F2: variants seen among roughly 807,000 people sequenced by gnomAD.
F2 encodes prothrombin.
Under a neutral mutation model 81.9 loss-of-function variants are expected in F2, and 34 were observed. That is an observed-to-expected ratio of 0.42 (90% confidence interval 0.32 to 0.55). The LOEUF (loss-of-function observed/expected upper bound fraction) is 0.55. F2 is among the 20% of genes least tolerant of loss of function. The pLI, the probability that F2 is intolerant of heterozygous loss-of-function variation, is 0.18. For synonymous variants in F2, 296 were observed against 326.4 expected (o/e 0.91, Z 1.01); for missense variants, 630 against 833.4 (o/e 0.76, Z 3.00).
At chr11:46,725,634 T>C in intron 6 of F2, among the ~76,000 whole-genome samples, 1 of 152,212 alleles carries the variant, frequency 6.6e-6, no homozygotes, top group Admixed American at 6.5e-5. Flanking sequence ...TCTGGTTTAT[T>C]ATGTGCCAGA....
At chr11:46,730,842 C>T (rs1466490380) in intron 12 of F2, among the ~76,000 whole-genome samples, 1 of 136,160 alleles carries the variant, frequency 7.3e-6, no homozygotes, top group East Asian at 2.1e-4. Context: ...TCTTTTTACC[C>T]ATAAATACTT....
chr11:46,731,268 C>T (rs1341779813), intron 12 of F2, among the ~76,000 whole-genome samples: 1 of 149,028 alleles, frequency 6.7e-6, no homozygotes, highest in Non-Finnish European at 1.5e-5. Context: ...CTCTGTTGCC[C>T]AGGCTAGAGT....
intron 2 of F2, 189 bp downstream of exon 2, chr11:46,720,051 G>A (rs868768072): frequency 1.2e-5 from 9 of 767,612 alleles, no homozygotes; most frequent in African/African-American, 5.2e-5. Context: ...TCTGTGCCTG[G>A]ACTGTGTCCC....
chr11:46,727,066 A>C (rs925855448), intron 9 of F2, among the ~76,000 whole-genome samples: 4 of 152,150 alleles, frequency 2.6e-5, no homozygotes, highest in Admixed American at 1.3e-4. Flanking sequence ...GCAGTGCTGC[A>C]ATCTCGGCTC....
In F2 at chr11:46,723,243, T is replaced by C. The variant is rs368221335; in HGVS notation, c.380T>C (p.Ile127Thr). 9 of 1,613,902 alleles carry C rather than the reference T, an allele frequency of 5.6e-6. No individual in the cohort carries two copies. Among genetic ancestry groups the C allele is most frequent in the Non-Finnish European group, 7.6e-6 (9 of 1,179,970 alleles). The change falls in exon 5 of 14, where the codon ATT becomes ACT. Residue 127 changes from isoleucine (I) to threonine (T), a missense_variant. By Grantham distance (89) the Ile-to-Thr change is moderately conservative. Coordinates refer to ENST00000311907, the MANE Select transcript of F2 (RefSeq NM_000506.5). This position sits in a 1 kb window ranked among gnomAD's most constrained non-coding sequence, Gnocchi z 5.6. ...CATGTGAACATCACCCGGTCAGGCA[T>C]TGAGTGCCAGCTATGGAGGAGTCGC... ...RGHVNITRSG[I>T]ECQLWRSRYP...
chr11:46,729,621 G>C, intron 12 of F2, 60 bp downstream of exon 12: 1 of 1,579,004 alleles, frequency 6.3e-7, no homozygotes, highest in Non-Finnish European at 8.7e-7. Context: ...GAACTGAGTT[G>C]TGCCTGGGTT....
At position 46,739,288 on chromosome 11, in the gene F2, T is replaced by C. The variant is rs2064962967; in HGVS notation, c.1749T>C (p.Tyr583=). ...AGAGCCCCTTTAACAACCGCTGGTA[T>C]CAAATGGGCATCGTCTCATGGGGTG... The part of the protein sequence containing the change: ...VMKSPFNNRW[Y]QMGIVSWGEG... Residue 583 remains tyrosine, a synonymous_variant, in exon 14 of 14, where the codon TAT becomes TAC. Transcript: ENST00000311907. 1.2e-6 allele frequency: 2 copies of C among 1,613,988 alleles called. No individual in the cohort carries two copies. The highest frequency in any genetic ancestry group is 2.2e-5 in the South Asian group (2 of 91,086).
chr11:46,724,783 T>G (rs1002534923), intron 6 of F2, among the ~76,000 whole-genome samples: 12 of 152,058 alleles, frequency 7.9e-5, no homozygotes, highest in African/African-American at 2.4e-4. Flanking sequence ...TTTTTTTCTT[T>G]CTAAGATGGA....
At chr11:46,725,022 G>A (rs1168925297) in intron 6 of F2, among the ~76,000 whole-genome samples, 1 of 146,876 alleles carries the variant, frequency 6.8e-6, no homozygotes, top group Non-Finnish European at 1.5e-5. Context: ...CTCCCGCCTC[G>A]GCCTCCCAAA....
intron 12 of F2, among the ~76,000 whole-genome samples, chr11:46,730,254 C>T (rs1204676635): frequency 2.0e-5 from 3 of 151,974 alleles, no homozygotes; most frequent in African/African-American, 4.8e-5. Context: ...GAGCTGAGAT[C>T]GGGCATCATT....
intron 12 of F2, among the ~76,000 whole-genome samples, chr11:46,735,342 G>A (rs756136974): frequency 1.6e-4 from 24 of 152,284 alleles, no homozygotes; most frequent in Non-Finnish European, 2.5e-4. Context: ...TCAGGAGGCT[G>A]AGGCAGGGGA....
intron 6 of F2, among the ~76,000 whole-genome samples, chr11:46,724,767 CTTTT>C (rs11438724): frequency 6.8e-6 from 1 of 147,414 alleles, no homozygotes; most frequent in Non-Finnish European, 1.5e-5. Flanking sequence ...TGGGGTTGGT[CTTTT>C]TTTTTTTTCT....
chr11:46,738,077 A>AACCTCC, intron 12 of F2, among the ~76,000 whole-genome samples: 1 of 151,814 alleles, frequency 6.6e-6, no homozygotes, highest in South Asian at 2.1e-4. Flanking sequence ...GGCTCACTGC[A>AACCTCC]ACCTCCACCT....
chr11:46,739,478 T>C lies in F2; in HGVS notation c.*70T>C. ...AATTATTTTTGTGTTTCTAAAACTA[T>C]GGTTCCCAATAAAAGTGACTCTCAG... On this transcript the variant is annotated 3_prime_UTR_variant, in exon 14 of 14. Coordinates refer to ENST00000311907, the MANE Select transcript of F2 (RefSeq NM_000506.5). 1.9e-6 allele frequency: 3 copies of C among 1,599,606 alleles called. No individual in the cohort carries two copies. The highest frequency in any genetic ancestry group is 1.7e-6 in the Non-Finnish European group (2 of 1,171,130).
chr11:46,719,563 C>A lies in F2; in HGVS notation c.80-139C>A. 1 of 1,201,406 alleles carries A rather than the reference C, an allele frequency of 8.3e-7. No individual in the cohort carries two copies. Among genetic ancestry groups the A allele is most frequent in the Admixed American group, 2.0e-5 (1 of 49,004 alleles). The allele number at this position is 1,201,406 out of a possible 1,614,324, so 74.4% of individuals were successfully genotyped here. A position where few individuals can be genotyped will look rare whatever the true frequency, so the allele number is the denominator to read the frequency against. ...GGGCACAGGGGGCCACATTTAGCAG[C>A]CTTCCAGGCACTTCCACCAGCCCAG... On this transcript the variant is annotated intron_variant, in intron 1 of 13. Coordinates refer to ENST00000311907, the MANE Select transcript of F2 (RefSeq NM_000506.5). This position sits in a 1 kb window ranked among gnomAD's most constrained non-coding sequence, Gnocchi z 4.7.
In F2 at chr11:46,726,761, G is replaced by T; in HGVS notation, c.1054G>T (p.Glu352Ter). 6.2e-7 allele frequency: 1 copy of T among 1,614,210 alleles called. No homozygotes were observed. The highest frequency in any genetic ancestry group is 8.5e-7 in the Non-Finnish European group (1 of 1,180,040). ...FEKKSLEDKT[E>*]RELLESYIDG... ...GAAGAAGTCGCTGGAGGACAAAACCGAAAGAGAGCTCCTGGAATCCTACAT... is the reference window on the plus strand; with the variant it reads ...GAAGAAGTCGCTGGAGGACAAAACCTAAAGAGAGCTCCTGGAATCCTACAT... Residue 352 changes from glutamate to a stop codon, truncating the protein, a stop_gained, in exon 9 of 14, where the codon GAA (glutamate) becomes TAA (stop). Transcript: ENST00000311907. LOFTEE classifies it high-confidence loss of function. This position sits in a 1 kb window ranked among gnomAD's most constrained non-coding sequence, Gnocchi z 5.9.
At chr11:46,732,849 C>T (rs1056823581) in intron 12 of F2, among the ~76,000 whole-genome samples, 6 of 152,140 alleles carry the variant, frequency 3.9e-5, no homozygotes, top group Non-Finnish European at 8.8e-5. Flanking sequence ...CAAAATGATT[C>T]AGGTTAATCC....
At position 46,728,091 on chromosome 11, in the gene F2, T is replaced by C; in HGVS notation, c.1226T>C (p.Leu409Pro). ...GTCCTCACCGCCGCCCACTGCCTCCTGTACCCGCCCTGGGACAAGAACTTC... is the reference window on the plus strand; with the variant it reads ...GTCCTCACCGCCGCCCACTGCCTCCCGTACCCGCCCTGGGACAAGAACTTC... ...RWVLTAAHCL[L>P]YPPWDKNFTE... The change falls in exon 10 of 14, where the codon CTG becomes CCG. Residue 409 changes from leucine (L) to proline (P), a missense_variant. Coordinates refer to ENST00000311907, the MANE Select transcript of F2 (RefSeq NM_000506.5). This position sits in a 1 kb window ranked among gnomAD's most constrained non-coding sequence, Gnocchi z 5.1. 4 of 1,611,102 alleles carry C rather than the reference T, an allele frequency of 2.5e-6. No homozygotes were observed. Among genetic ancestry groups the C allele is most frequent in the Non-Finnish European group, 2.5e-6 (3 of 1,179,024 alleles).
rs1419091834 is a variant in F2 at position 46,723,188 on chromosome 11, G to A, written c.325G>A (p.Ala109Thr). 6.2e-7 allele frequency: 1 copy of A among 1,613,870 alleles called. No individual in the cohort carries two copies. Among genetic ancestry groups the A allele is most frequent in the Non-Finnish European group, 8.5e-7 (1 of 1,180,012 alleles). Residue 109 changes from alanine (A) to threonine (T), a missense_variant, in exon 5 of 14, where the codon GCT becomes ACT. Ala to Thr is a moderately conservative substitution (Grantham distance 58). Coordinates refer to ENST00000311907, the MANE Select transcript of F2 (RefSeq NM_000506.5). This position sits in a 1 kb window ranked among gnomAD's most constrained non-coding sequence, Gnocchi z 5.6. Reference protein sequence around the residue: ...KLAACLEGNCAEGLGTNYRGH... With the variant: ...KLAACLEGNCTEGLGTNYRGH... ...GGGTGGGGTCTCCGCAGGTAACTGT[G>A]CTGAGGGTCTGGGTACGAACTACCG...
Sources: gnomAD v4.1 joint callset for allele counts (sites outside exome capture counted in the v4.1 genomes callset) on GRCh38, gnomAD v4.1.1 for gene constraint, Gnocchi (gnomAD v3.1) non-coding constraint, MANE v1.5 for transcripts, NCBI Gene and HGNC (gene_info 2026-07-23, HGNC 2026-07-21) for gene names.